MCC: variants seen among roughly 807,000 people sequenced by gnomAD.
The protein encoded by MCC is colorectal mutant cancer protein.
Under a neutral mutation model 116.2 loss-of-function variants are expected in MCC, and 90 were observed. That is an observed-to-expected ratio of 0.77 (90% confidence interval 0.65 to 0.92). The LOEUF (loss-of-function observed/expected upper bound fraction) is 0.92. Among genes scored for constraint, MCC ranks in the 40% least tolerant of loss-of-function variants. The pLI is 0.00. For synonymous variants in MCC, 578 were observed against 510.5 expected (o/e 1.13, Z -1.78); for missense variants, 1,516 against 1,312.2 (o/e 1.16, Z -2.40).
chr5:113,082,378 G>A (rs1437023440), intron 11 of MCC, among the ~76,000 whole-genome samples: 1 of 152,216 alleles, frequency 6.6e-6, no homozygotes, highest in Non-Finnish European at 1.5e-5. Context: ...TGCCTGTGCT[G>A]TTTCCAGTAG....
intron 1 of MCC, among the ~76,000 whole-genome samples, chr5:113,470,050 C>T (rs1170471706): frequency 6.6e-6 from 1 of 152,138 alleles, no homozygotes; most frequent in African/African-American, 2.4e-5. Context: ...CTTCCTCCAT[C>T]CCTTTATTTT....
intron 8 of MCC, among the ~76,000 whole-genome samples, chr5:113,088,326 T>G (rs1755349525): frequency 1.3e-5 from 2 of 151,946 alleles, no homozygotes; most frequent in South Asian, 4.2e-4. Flanking sequence ...TGAGTCAGCT[T>G]AGGCATGGCT....
chr5:113,479,482 C>T (rs751289801), intron 1 of MCC, among the ~76,000 whole-genome samples: 1 of 152,078 alleles, frequency 6.6e-6, no homozygotes, highest in Non-Finnish European at 1.5e-5. Flanking sequence ...GAGAATACTG[C>T]ATATCGGTTA....
intron 2 of MCC, among the ~76,000 whole-genome samples, chr5:113,374,063 C>T (rs1768912573): frequency 6.6e-6 from 1 of 152,050 alleles, no homozygotes; most frequent in African/African-American, 2.4e-5. Context: ...TGCCACCACG[C>T]CTGGCTAATT....
At chr5:113,115,748 T>C (rs1001716570) in intron 6 of MCC, among the ~76,000 whole-genome samples, 14 of 152,158 alleles carry the variant, frequency 9.2e-5, no homozygotes. Flanking sequence ...AGTTCAAATC[T>C]ACGTATAATC....
At position 113,049,958 on chromosome 5, in the gene MCC, T is replaced by A. The variant is rs548751712; in HGVS notation, c.2449-659A>T. Among the ~76,000 whole-genome samples, 14 of 152,310 alleles carry A rather than the reference T, an allele frequency of 9.2e-5. No individual in the cohort carries two copies. The South Asian group carries it at 2.5e-3, about 27-fold the overall frequency. ...ATCCTAAGAACTCAAATGAGAGCGA[T>A]GAGTGGAGAATACGAAGTGAATCCA... On this transcript the variant is annotated intron_variant, in intron 15 of 18. Coordinates refer to ENST00000408903, the MANE Select transcript of MCC (RefSeq NM_001085377.2).
At chr5:113,180,742 G>A (rs1214377747) in intron 3 of MCC, among the ~76,000 whole-genome samples, 5 of 152,086 alleles carry the variant, frequency 3.3e-5, no homozygotes, top group African/African-American at 1.2e-4. Context: ...ATACAACAGA[G>A]AATATTAAAA....
chr5:113,441,364 A>G (rs1044538923), intron 1 of MCC, among the ~76,000 whole-genome samples: 2 of 152,132 alleles, frequency 1.3e-5, no homozygotes, highest in Non-Finnish European at 2.9e-5. Context: ...AAAACAAAAA[A>G]CAAGTTCTCT....
intron 1 of MCC, among the ~76,000 whole-genome samples, chr5:113,484,328 T>C (rs1001521543): frequency 3.3e-5 from 5 of 152,158 alleles, no homozygotes; most frequent in Non-Finnish European, 7.4e-5. Flanking sequence ...ATGGAAAATA[T>C]CTGAAAATGA....
chr5:113,455,800 CCTA>C (rs928420179), intron 1 of MCC, among the ~76,000 whole-genome samples: 3 of 152,128 alleles, frequency 2.0e-5, no homozygotes, highest in Non-Finnish European at 4.4e-5. Context: ...AGTTTTATTA[CCTA>C]CTGAGTTTGC....
intron 5 of MCC, among the ~76,000 whole-genome samples, chr5:113,129,359 A>AT (rs759631493): frequency 5.2e-4 from 79 of 152,180 alleles, no homozygotes; most frequent in Middle Eastern, 3.2e-3. Context: ...AAGTCACTGG[A>AT]TTTTTCATTT....
chr5:113,335,645 T>C (rs1397858960), intron 3 of MCC, among the ~76,000 whole-genome samples: 1 of 151,722 alleles, frequency 6.6e-6, no homozygotes, highest in Non-Finnish European at 1.5e-5. Flanking sequence ...TCCCACTGCA[T>C]ACCCTCTTTA....
chr5:113,229,699 C>T (rs1408332552), intron 3 of MCC, among the ~76,000 whole-genome samples: 1 of 152,114 alleles, frequency 6.6e-6, no homozygotes, highest in Non-Finnish European at 1.5e-5. Flanking sequence ...ATTGTAATAC[C>T]ACATTTTTAC....
At chr5:113,118,029 G>A (rs1169857708) in intron 6 of MCC, among the ~76,000 whole-genome samples, 3 of 152,180 alleles carry the variant, frequency 2.0e-5, no homozygotes, top group South Asian at 2.1e-4. Context: ...AGAAACACAG[G>A]CGGCAACAAC....
chr5:113,443,482 T>G (rs1387626532), intron 1 of MCC, among the ~76,000 whole-genome samples: 2 of 152,184 alleles, frequency 1.3e-5, no homozygotes, highest in Non-Finnish European at 2.9e-5. Context: ...TTTGAATACC[T>G]TTTTTTCTTT....
chr5:113,285,352 C>G (rs1211218982), intron 3 of MCC, among the ~76,000 whole-genome samples: 2 of 127,348 alleles, frequency 1.6e-5, no homozygotes, highest in African/African-American at 5.8e-5. Context: ...CCCCGCCCCC[C>G]ACCCCCACAA....
intron 5 of MCC, among the ~76,000 whole-genome samples, chr5:113,125,703 G>C (rs907505391): frequency 6.6e-6 from 1 of 152,164 alleles, no homozygotes; most frequent in Non-Finnish European, 1.5e-5. Flanking sequence ...AAAACACCAA[G>C]AGTCCCTGGC....
Position 113,027,225 on chromosome 5 carries a change from G to A in MCC, c.*77C>T. ...TTCCCTTTCCTCCTCCTCCCAACAA[G>A]TACATGGGCCCTTCTGTCCCCAGTG... is the stretch of plus-strand genomic sequence containing the variant. On this transcript the variant is annotated 3_prime_UTR_variant, in exon 19 of 19. Transcript: ENST00000408903. 4 of 1,488,650 alleles carry A rather than the reference G, an allele frequency of 2.7e-6. No homozygotes were observed. The highest frequency in any genetic ancestry group is 2.5e-5 in the South Asian group (2 of 79,412). 92.2% of individuals were successfully genotyped at this position (1,488,650 alleles called of 1,614,324 possible).
chr5:113,143,324 C>T lies in MCC; in HGVS notation c.778G>A (p.Val260Ile), dbSNP rs1759299974. 1 of 1,613,938 alleles carries T rather than the reference C, an allele frequency of 6.2e-7. No homozygotes were observed. The highest frequency in any genetic ancestry group is 8.5e-7 in the Non-Finnish European group (1 of 1,179,990). ...QSHLMREHED[V>I]QERTTLRYEE... ...TAGCGAAGTGTCGTTCGCTCCTGGA[C>T]ATCCTCATGCTCTCTCATGAGGTGG... The change falls in exon 5 of 19, where the codon GTC (valine) becomes ATC (isoleucine). Residue 260 changes from valine to isoleucine, a missense_variant. Transcript: ENST00000408903.
Sources: allele counts gnomAD v4.1 joint callset (sites outside exome capture counted in the v4.1 genomes callset), GRCh38; gene constraint gnomAD v4.1.1; transcripts MANE v1.5; gene names NCBI Gene and HGNC (gene_info 2026-07-23, HGNC 2026-07-21).